Variants in STXBP4 observed in about 807,000 individuals in gnomAD.
The protein encoded by STXBP4 is syntaxin binding protein 4, also known as syntaxin-binding protein 4.
In STXBP4, 55 loss-of-function variants were observed where a neutral mutation model predicts 76.1. The ratio of observed to expected loss-of-function variants is 0.72; its 90% CI spans 0.58 to 0.91. STXBP4 has a LOEUF of 0.91. Ranked by LOEUF, STXBP4 falls within the 40% of genes least tolerant of loss-of-function variation. The probability of loss-of-function intolerance (pLI) is 0.00; values close to 1 mark genes in which losing one functional copy is unlikely to be tolerated. For missense variants in STXBP4, 618 were observed against 636.9 expected (o/e 0.97, Z 0.32); for synonymous variants, 201 against 220.2 (o/e 0.91, Z 0.77).
intron 12 of STXBP4, among the ~76,000 whole-genome samples, chr17:55,071,859 T>C (rs1371503930): frequency 3.9e-5 from 6 of 152,186 alleles, no homozygotes; most frequent in Non-Finnish European, 7.4e-5. Flanking sequence ...CCATGGCAAT[T>C]GGAGCAGAAA....
intron 1 of STXBP4, among the ~76,000 whole-genome samples, chr17:54,976,016 T>A (rs1310428227): frequency 6.6e-6 from 1 of 152,204 alleles, no homozygotes; most frequent in Non-Finnish European, 1.5e-5. Flanking sequence ...TTTTTATTGT[T>A]TTTCTCCCAC....
Position 55,078,724 on chromosome 17 carries a change from A to G in STXBP4, c.1344A>G (p.Leu448=). The change falls in exon 15 of 18, where the codon TTA becomes TTG. Residue 448 remains leucine, a synonymous_variant. Transcript: ENST00000376352. The part of the protein sequence containing the change: ...QEVFSDNSTP[L]SNLSERRAVL... Reference sequence around the variant, plus strand: ...TATTTTCTGATAATTCTACTCCTTTATCAAATTTAAGGTAAGAAAATTTAA... The same window carrying G: ...TATTTTCTGATAATTCTACTCCTTTGTCAAATTTAAGGTAAGAAAATTTAA... The G allele has an allele frequency of 6.4e-7, 1 of 1,551,980 alleles. No individual in the cohort carries two copies. Among genetic ancestry groups the G allele is most frequent in the Non-Finnish European group, 8.9e-7 (1 of 1,125,682 alleles).
chr17:55,126,399 A>G (rs2079913523), intron 16 of STXBP4, among the ~76,000 whole-genome samples: 1 of 152,200 alleles, frequency 6.6e-6, no homozygotes, highest in South Asian at 2.1e-4. Flanking sequence ...ATAATTGTGT[A>G]AAACTAAATG....
intron 3 of STXBP4, among the ~76,000 whole-genome samples, chr17:54,987,393 C>T (rs1258361276): frequency 6.6e-6 from 1 of 152,020 alleles, no homozygotes; most frequent in African/African-American, 2.4e-5. Flanking sequence ...ATTTGGATTC[C>T]ACTCCCCAGA....
rs1386112521 is a variant in STXBP4, at chr17:55,163,365, C to G, written c.*3454C>G. On this transcript the variant is annotated 3_prime_UTR_variant, in exon 18 of 18. Transcript: ENST00000376352. ...GGGAAGTCAAGTAGTGACTAACTCA[C>G]TATATGTCAAACACATCATTACTCT... The G allele has an allele frequency of 6.6e-6, 1 of 152,140 alleles. No individual in the cohort carries two copies. Among genetic ancestry groups the G allele is most frequent in the Admixed American group, 6.5e-5 (1 of 15,270 alleles). 9.4% of individuals were successfully genotyped at this position (152,140 alleles called of 1,614,324 possible). A position where few individuals can be genotyped will look rare whatever the true frequency, so the allele number is the denominator to read the frequency against.
intron 7 of STXBP4, 24 bp downstream of exon 7, chr17:55,000,907 T>C (rs1241604826): frequency 4.1e-6 from 6 of 1,451,206 alleles, no homozygotes; most frequent in Non-Finnish European, 5.8e-6. Context: ...TAATTTCTAT[T>C]TCCTGTTTTT....
At chr17:55,084,299 A>G (rs1197110508) in intron 16 of STXBP4, among the ~76,000 whole-genome samples, 1 of 152,110 alleles carries the variant, frequency 6.6e-6, no homozygotes, top group East Asian at 1.9e-4. Flanking sequence ...GTGTCTGTTC[A>G]TGTCCTTTGC....
At chr17:55,059,199 A>G (rs1239051971) in intron 12 of STXBP4, among the ~76,000 whole-genome samples, 1 of 152,194 alleles carries the variant, frequency 6.6e-6, no homozygotes, top group Non-Finnish European at 1.5e-5. Context: ...AATTACTAAT[A>G]TGATTTACCT....
At chr17:55,133,223 C>A (rs1401010038) in intron 16 of STXBP4, among the ~76,000 whole-genome samples, 1 of 151,592 alleles carries the variant, frequency 6.6e-6, no homozygotes, top group Non-Finnish European at 1.5e-5. Context: ...ACAAAGCCAC[C>A]AAGATATGCT....
intron 17 of STXBP4, among the ~76,000 whole-genome samples, chr17:55,148,744 G>A (rs1190036309): frequency 4.6e-5 from 7 of 152,074 alleles, no homozygotes; most frequent in African/African-American, 1.7e-4. Context: ...ATGTTGGCTA[G>A]ACTGGTCTTG....
intron 12 of STXBP4, among the ~76,000 whole-genome samples, chr17:55,069,868 G>C (rs1175102784): frequency 6.6e-6 from 1 of 151,950 alleles, no homozygotes; most frequent in Non-Finnish European, 1.5e-5. Context: ...AAGTGAGTGT[G>C]AAGAAGACAA....
intron 8 of STXBP4, among the ~76,000 whole-genome samples, chr17:55,020,859 T>G (rs984794975): frequency 6.6e-6 from 1 of 152,128 alleles, no homozygotes; most frequent in Non-Finnish European, 1.5e-5. Flanking sequence ...TATACTTTCA[T>G]GAAAAATGGA....
At chr17:55,199,051 A>G in the STXBP4 span, among the ~76,000 whole-genome samples, 2 of 151,880 alleles carry the variant, frequency 1.3e-5, no homozygotes, top group African/African-American at 4.8e-5. Context: ...ATCTTTCAAG[A>G]AAAAAAAGAC....
At chr17:55,125,496 A>AAAAAAAAAAAAAAC (rs2079900587) in intron 16 of STXBP4, among the ~76,000 whole-genome samples, 1 of 149,512 alleles carries the variant, frequency 6.7e-6, no homozygotes, top group Non-Finnish European at 1.5e-5. Flanking sequence ...AAAAAAAAAA[A>AAAAAAAAAAAAAAC]AAAATACAAT....
chr17:55,174,908 C>T (rs2080423587), downstream of STXBP4, among the ~76,000 whole-genome samples: 1 of 152,076 alleles, frequency 6.6e-6, no homozygotes, highest in Non-Finnish European at 1.5e-5. Context: ...TAAAGGGAAA[C>T]AGCTACTCGG....
intron 16 of STXBP4, among the ~76,000 whole-genome samples, chr17:55,128,071 G>C (rs2079931916): frequency 6.6e-6 from 1 of 152,066 alleles, no homozygotes; most frequent in South Asian, 2.1e-4. Context: ...AAGTTCCCCT[G>C]GTGAGTACAA....
intron 3 of STXBP4, among the ~76,000 whole-genome samples, chr17:54,986,844 G>A (rs994289283): frequency 1.4e-4 from 21 of 152,102 alleles, no homozygotes; most frequent in Non-Finnish European, 1.3e-4. Context: ...CAGTGGGTTG[G>A]TTGAGCAGTT....
At chr17:55,129,700 A>T (rs2214980) in intron 16 of STXBP4, among the ~76,000 whole-genome samples, 1 of 151,970 alleles carries the variant, frequency 6.6e-6, no homozygotes, top group South Asian at 2.1e-4. Context: ...TCCTTCCTAG[A>T]AACAACAAAA....
Position 54,986,262 on chromosome 17 carries a change from GA to G in STXBP4, c.47del (p.Lys16ArgfsTer7). The G allele has an allele frequency of 1.3e-6, 2 of 1,583,778 alleles. No individual in the cohort carries two copies. The highest frequency in any genetic ancestry group is 1.7e-6 in the Non-Finnish European group (2 of 1,161,740). On this transcript the variant is annotated frameshift_variant, in exon 3 of 18. Coordinates refer to ENST00000376352, the MANE Select transcript of STXBP4 (RefSeq NM_178509.6). LOFTEE classifies it high-confidence loss of function. ...TACTGTAGTATCACCCAGTCTACTTGAAAAGTAATTTTTAAGTTTAATATGT... is the reference window on the plus strand; with the variant it reads ...TACTGTAGTATCACCCAGTCTACTTGAAAGTAATTTTTAAGTTTAATATGT... ...TSTVVSPSLL[E>X]KDPAFQMITI...
Sources: gnomAD v4.1 joint callset for allele counts (sites outside exome capture counted in the v4.1 genomes callset) on GRCh38, gnomAD v4.1.1 for gene constraint, MANE v1.5 for transcripts, NCBI Gene and HGNC (gene_info 2026-07-23, HGNC 2026-07-21) for gene names.